USP34: variants seen among roughly 807,000 people sequenced by gnomAD.
USP34 encodes ubiquitin specific peptidase 34, also known as ubiquitin carboxyl-terminal hydrolase 34.
In USP34, 70 loss-of-function variants were observed where a neutral mutation model predicts 460.3. That is an observed-to-expected ratio of 0.15 (90% CI 0.13 to 0.19). The LOEUF is 0.19. Among genes scored for constraint, USP34 ranks in the 10% least tolerant of loss-of-function variants. The pLI, the probability that USP34 is intolerant of heterozygous loss-of-function variation, is 1.00. For synonymous variants in USP34, 1,647 were observed against 1,405.3 expected (o/e 1.17, Z -3.85); for missense variants, 3,985 against 4,236.2 (o/e 0.94, Z 1.65).
At chr2:61,204,983 T>C (rs1048898545) in intron 72 of USP34, among the ~76,000 whole-genome samples, 5 of 152,118 alleles carry the variant, frequency 3.3e-5, no homozygotes, top group South Asian at 4.1e-4. Flanking sequence ...GGCTCCCAAG[T>C]AGCTGAAACT....
intron 1 of USP34, among the ~76,000 whole-genome samples, chr2:61,439,864 T>A (rs1368239775): frequency 6.6e-6 from 1 of 151,958 alleles, no homozygotes; most frequent in African/African-American, 2.4e-5. Flanking sequence ...CAGAGAGGTG[T>A]CTGGGTGTGG....
At chr2:61,453,308 G>A (rs1695339182) in intron 1 of USP34, among the ~76,000 whole-genome samples, 2 of 152,086 alleles carry the variant, frequency 1.3e-5, no homozygotes, top group Non-Finnish European at 1.5e-5. Context: ...CAGCTACTCA[G>A]GAGGCTAAGA....
At chr2:61,207,193 G>C (rs188334034) in intron 70 of USP34, 45 of 197,696 alleles carry the variant, frequency 2.3e-4, no homozygotes, top group African/African-American at 9.2e-4. Context: ...AAAGCAGTAG[G>C]TCACAAAAGA....
chr2:61,403,115 T>C lies in USP34; in HGVS notation c.552+2593A>G, dbSNP rs541325673. 2.6e-5 allele frequency among the ~76,000 whole-genome samples: 4 copies of C among 152,316 alleles called. No homozygotes were observed. The East Asian group carries it at 7.7e-4, about 29-fold the overall frequency. On this transcript the variant is annotated intron_variant, in intron 3 of 79. Transcript: ENST00000398571. ...AAGGAGGTAACTCCTTTATTATCTC[T>C]ATGGGTATTTTTTGTCAGAATTTTC...
chr2:61,460,431 C>A (rs1435908336), intron 1 of USP34, among the ~76,000 whole-genome samples: 2 of 152,044 alleles, frequency 1.3e-5, no homozygotes, highest in Non-Finnish European at 2.9e-5. Flanking sequence ...TTCAAGTAAC[C>A]CTTACTTTAC....
At chr2:61,198,416 A>G (rs1686871185) in intron 75 of USP34, among the ~76,000 whole-genome samples, 1 of 152,182 alleles carries the variant, frequency 6.6e-6, no homozygotes, top group Non-Finnish European at 1.5e-5. Flanking sequence ...ACCCATTACA[A>G]CCAAAGTGAA....
At chr2:61,388,321 A>G (rs1244701920) in intron 5 of USP34, among the ~76,000 whole-genome samples, 1 of 152,128 alleles carries the variant, frequency 6.6e-6, no homozygotes, top group Non-Finnish European at 1.5e-5. Flanking sequence ...ACACTTGGCA[A>G]GGATATGCAA....
intron 25 of USP34, among the ~76,000 whole-genome samples, chr2:61,314,134 C>G (rs1393831199): frequency 2.0e-5 from 3 of 149,398 alleles, no homozygotes; most frequent in Non-Finnish European, 4.5e-5. Flanking sequence ...AATGGAAATT[C>G]AAAATTAAAA....
At chr2:61,212,435 G>C (rs922973335) in intron 68 of USP34, among the ~76,000 whole-genome samples, 15 of 152,168 alleles carry the variant, frequency 9.9e-5, no homozygotes, top group African/African-American at 3.6e-4. Flanking sequence ...TTGTCACAAA[G>C]ATTTTAAATG....
chr2:61,198,194 A>G (rs141157793), intron 75 of USP34, among the ~76,000 whole-genome samples: 47 of 152,376 alleles, frequency 3.1e-4, no homozygotes, highest in Non-Finnish European at 6.5e-4. Flanking sequence ...TCATCCTTAT[A>G]GAGTAAAATT....
In USP34 at chr2:61,463,246, T is replaced by G. The variant is rs371316597; in HGVS notation, c.43+7404A>C. Among the ~76,000 whole-genome samples the G allele has an allele frequency of 2.0e-5, 3 of 151,998 alleles. No homozygotes were observed. In the East Asian group the frequency reaches 5.8e-4, roughly 29 times the overall value. On this transcript the variant is annotated intron_variant, in intron 1 of 79. Coordinates refer to ENST00000398571, the MANE Select transcript of USP34 (RefSeq NM_014709.4). ...GGGAGGCTGAGGCAGGAGCATCACT[T>G]GAGCCCAGGAGCTTGAGGCTGCAGT...
chr2:61,252,162 C>G (rs1274612028), intron 48 of USP34, among the ~76,000 whole-genome samples: 2 of 152,114 alleles, frequency 1.3e-5, no homozygotes, highest in African/African-American at 2.4e-5. Context: ...CAGAGTTTTC[C>G]TTTCTTCCCT....
Position 61,380,379 on chromosome 2 carries a change from T to C in USP34, c.822-18A>G, listed in dbSNP as rs376861310. ...ATAAATACCTGAAATGATTCAGAAATAGAAAATACACAAAAATTCATAAAG... is the reference window on the plus strand; with the variant it reads ...ATAAATACCTGAAATGATTCAGAAACAGAAAATACACAAAAATTCATAAAG... On this transcript the variant is annotated intron_variant, in intron 6 of 79. Transcript: ENST00000398571. 17 of 1,583,954 alleles carry C rather than the reference T, an allele frequency of 1.1e-5. No individual in the cohort carries two copies. The highest frequency in any genetic ancestry group is 1.8e-5 in the Admixed American group (1 of 54,490).
chr2:61,455,666 G>T (rs1384834518), intron 1 of USP34, among the ~76,000 whole-genome samples: 1 of 152,022 alleles, frequency 6.6e-6, no homozygotes, highest in Non-Finnish European at 1.5e-5. Flanking sequence ...AGTCCACAAA[G>T]TTTTCTCCCA....
At chr2:61,350,814 C>T (rs811871) in intron 10 of USP34, 121 bp from the exon 11 acceptor site, 506,634 of 937,702 alleles carry the variant, frequency 0.54, 139,043 homozygotes, top group South Asian at 0.73. Flanking sequence ...TTTAATATGA[C>T]GGTAAAATGC....
At chr2:61,416,647 A>G (rs1012507068) in intron 2 of USP34, among the ~76,000 whole-genome samples, 1 of 152,218 alleles carries the variant, frequency 6.6e-6, no homozygotes, top group African/African-American at 2.4e-5. Context: ...ATTCCTTTGC[A>G]GATCCGTATA....
chr2:61,318,562 A>G (rs1370599587), intron 22 of USP34, among the ~76,000 whole-genome samples: 2 of 152,254 alleles, frequency 1.3e-5, no homozygotes, highest in East Asian at 3.8e-4. Context: ...TCTCAAAAAT[A>G]AGCATAAAAA....
At chr2:61,214,013 T>G in intron 68 of USP34, 47 bp downstream of exon 68, 1 of 1,604,452 alleles carries the variant, frequency 6.2e-7, no homozygotes, top group Non-Finnish European at 8.5e-7. Context: ...AACAGGTATT[T>G]CCAATCTATT....
chr2:61,460,828 T>C (rs1695576914), intron 1 of USP34, among the ~76,000 whole-genome samples: 1 of 151,278 alleles, frequency 6.6e-6, no homozygotes, highest in Non-Finnish European at 1.5e-5. Context: ...ACTAAAAACA[T>C]AAAAATTAGC....
Sources: allele counts gnomAD v4.1 joint callset (sites outside exome capture counted in the v4.1 genomes callset), GRCh38; gene constraint gnomAD v4.1.1; transcripts MANE v1.5; gene names NCBI Gene and HGNC (gene_info 2026-07-23, HGNC 2026-07-21).